Variants in ENOX1 observed in about 807,000 individuals in gnomAD.
The protein encoded by ENOX1 is ecto-NOX disulfide-thiol exchanger 1, also known as candidate growth-related and time keeping constitutive hydroquinone (NADH) oxidase.
Under a neutral mutation model 82.5 loss-of-function variants are expected in ENOX1, and 42 were observed. That is an observed-to-expected ratio of 0.51 (90% confidence interval 0.40 to 0.66). The LOEUF (loss-of-function observed/expected upper bound fraction) is 0.66. Ranked by LOEUF, ENOX1 falls within the 30% of genes least tolerant of loss-of-function variation. ENOX1 has a pLI of 0.00. For synonymous variants in ENOX1, 271 were observed against 282.2 expected, an observed-to-expected ratio of 0.96 and a Z score of 0.40; for missense variants, 608 against 811.6, an observed-to-expected ratio of 0.75 and a Z score of 3.05.
chr13:43,677,058 T>C (rs1320396170), intron 1 of ENOX1, among the ~76,000 whole-genome samples: 1 of 151,834 alleles, frequency 6.6e-6, no homozygotes, highest in East Asian at 1.9e-4. Context: ...CTTATCTCTC[T>C]GTCCAATCTG....
intron 16 of ENOX1, among the ~76,000 whole-genome samples, chr13:43,221,702 G>A (rs1266612178): frequency 6.6e-6 from 1 of 152,202 alleles, no homozygotes; most frequent in Admixed American, 6.5e-5. Context: ...GGGCTACATG[G>A]TTTTAGGAAG....
intron 1 of ENOX1, among the ~76,000 whole-genome samples, chr13:43,734,552 G>A (rs1304033761): frequency 6.6e-6 from 1 of 152,136 alleles, no homozygotes; most frequent in Non-Finnish European, 1.5e-5. Context: ...CCTCCTGGAG[G>A]AGGCAACAAG....
At chr13:43,216,690 C>T (rs765321117) in intron 16 of ENOX1, among the ~76,000 whole-genome samples, 2 of 152,166 alleles carry the variant, frequency 1.3e-5, no homozygotes, top group African/African-American at 2.4e-5. Flanking sequence ...ACACACAGGC[C>T]GAGGTGCCTG....
chr13:43,374,230 T>TTCTTTTA (rs560459454), intron 5 of ENOX1, among the ~76,000 whole-genome samples: 5,412 of 150,544 alleles, frequency 0.036, 119 homozygotes, highest in South Asian at 0.097. Context: ...TTCTTAATCT[T>TTCTTTTA]TCTTTTATCT....
chr13:43,412,163 C>CAAA, intron 4 of ENOX1, 110 bp from the exon 5 acceptor site: 2 of 1,055,674 alleles, frequency 1.9e-6, no homozygotes. Context: ...TCCCAAACTA[C>CAAA]AAAAAAAAAA....
intron 5 of ENOX1, among the ~76,000 whole-genome samples, chr13:43,385,773 A>G (rs1488033266): frequency 2.0e-5 from 3 of 152,258 alleles, no homozygotes; most frequent in Non-Finnish European, 2.9e-5. Flanking sequence ...GAAATACATC[A>G]AGACACATGT....
intron 5 of ENOX1, among the ~76,000 whole-genome samples, chr13:43,373,062 C>T (rs2051349206): frequency 6.6e-6 from 1 of 152,132 alleles, no homozygotes; most frequent in Non-Finnish European, 1.5e-5. Flanking sequence ...GCACTCAACA[C>T]ATATTACTAT....
chr13:43,417,653 C>T (rs1303198923), intron 3 of ENOX1, among the ~76,000 whole-genome samples: 10 of 152,114 alleles, frequency 6.6e-5, no homozygotes, highest in Admixed American at 6.5e-4. Context: ...TGTTTATTTA[C>T]ACACAGAGAT....
chr13:43,718,757 A>G (rs958379862), intron 1 of ENOX1, among the ~76,000 whole-genome samples: 1 of 151,278 alleles, frequency 6.6e-6, no homozygotes, highest in Non-Finnish European at 1.5e-5. Flanking sequence ...TAACGATATA[A>G]TGTTGCTGTT....
At chr13:43,226,931 G>A (rs1326136974) in intron 15 of ENOX1, among the ~76,000 whole-genome samples, 1 of 151,310 alleles carries the variant, frequency 6.6e-6, no homozygotes, top group Non-Finnish European at 1.5e-5. Context: ...GAGAAAGAGG[G>A]CATAAGACTT....
intron 12 of ENOX1, among the ~76,000 whole-genome samples, chr13:43,274,787 C>T (rs1007114647): frequency 2.6e-5 from 4 of 152,188 alleles, no homozygotes; most frequent in African/African-American, 9.7e-5. Context: ...TAAATAAATG[C>T]TGTACCTGAC....
rs532074938 is a variant in ENOX1 at position 43,683,890 on chromosome 13, A to G, written c.-284-16346T>C. On this transcript the variant is annotated intron_variant, in intron 1 of 16. Transcript: ENST00000690772. The stretch of plus-strand genomic sequence containing the variant: ...GTCAGCCACTGAACCATGTGTCGCA[A>G]AGGACACTATGGGAAGAGAACTCAT... 8.5e-5 allele frequency among the ~76,000 whole-genome samples: 13 copies of G among 152,150 alleles called. No individual in the cohort carries two copies. In the East Asian group the frequency reaches 2.3e-3, roughly 27 times the overall value.
chr13:43,391,740 C>T (rs2052790724), intron 5 of ENOX1, among the ~76,000 whole-genome samples: 1 of 152,176 alleles, frequency 6.6e-6, no homozygotes, highest in Non-Finnish European at 1.5e-5. Flanking sequence ...CAAAGCCCTA[C>T]TCACCTGGGA....
chr13:43,677,015 A>G (rs977057373), intron 1 of ENOX1, among the ~76,000 whole-genome samples: 3 of 152,004 alleles, frequency 2.0e-5, no homozygotes, highest in Non-Finnish European at 2.9e-5. Context: ...GAAACTGCCC[A>G]CCGAGTCTCC....
chr13:43,567,454 G>A (rs1013308616), intron 2 of ENOX1, among the ~76,000 whole-genome samples: 17 of 151,904 alleles, frequency 1.1e-4, no homozygotes, highest in African/African-American at 3.6e-4. Context: ...GCTTTAAAAT[G>A]GGACAAATCA....
intron 1 of ENOX1, among the ~76,000 whole-genome samples, chr13:43,763,269 T>G (rs1437540033): frequency 6.6e-6 from 1 of 152,092 alleles, no homozygotes; most frequent in Non-Finnish European, 1.5e-5. Context: ...AAGATCAAGG[T>G]GTCAGCAGAT....
intron 2 of ENOX1, among the ~76,000 whole-genome samples, chr13:43,649,816 T>C (rs1413857373): frequency 6.6e-6 from 1 of 152,154 alleles, no homozygotes; most frequent in Admixed American, 6.6e-5. Flanking sequence ...TACAGATATG[T>C]TGTATTTAAG....
chr13:43,399,987 T>C (rs1430004557), intron 5 of ENOX1, among the ~76,000 whole-genome samples: 2 of 152,072 alleles, frequency 1.3e-5, no homozygotes, highest in East Asian at 1.9e-4. Context: ...GCCACTCTTG[T>C]AGGAGTGTGT....
chr13:43,341,399 TAAG>T (rs1304306107), intron 9 of ENOX1, among the ~76,000 whole-genome samples: 3 of 151,928 alleles, frequency 2.0e-5, no homozygotes, highest in East Asian at 3.9e-4. Context: ...ACCTATAGGA[TAAG>T]AAGAAGTCAA....
Sources: allele counts gnomAD v4.1 joint callset (sites outside exome capture counted in the v4.1 genomes callset), GRCh38; gene constraint gnomAD v4.1.1; transcripts MANE v1.5; gene names NCBI Gene and HGNC (gene_info 2026-07-23, HGNC 2026-07-21).